DNM2: variants seen among roughly 807,000 people sequenced by gnomAD.
DNM2 encodes the protein dynamin 2.
DNM2 carries 15 observed loss-of-function variants against 99.0 expected under a neutral mutation model. That is an observed-to-expected ratio of 0.15 (90% CI 0.10 to 0.23). DNM2 has a LOEUF of 0.23. Among genes scored for constraint, DNM2 ranks in the 10% least tolerant of loss-of-function variants. DNM2 has a pLI of 1.00. For synonymous variants in DNM2, 525 were observed against 481.2 expected (o/e 1.09, Z -1.19); for missense variants, 742 against 1,189.4 (o/e 0.62, Z 5.53).
At chr19:10,734,018 A>T (rs914271327) in intron 1 of DNM2, among the ~76,000 whole-genome samples, 1 of 151,904 alleles carries the variant, frequency 6.6e-6, no homozygotes, top group Admixed American at 6.6e-5. Context: ...AAAAAATAAA[A>T]AAAAAAAAAT....
chr19:10,738,218 G>A (rs527490942), intron 1 of DNM2, among the ~76,000 whole-genome samples: 5 of 151,976 alleles, frequency 3.3e-5, no homozygotes, highest in Non-Finnish European at 4.4e-5. Flanking sequence ...AGATCACGCC[G>A]CTGTACTCCA....
At chr19:10,736,709 T>C (rs2069540725) in intron 1 of DNM2, among the ~76,000 whole-genome samples, 2 of 152,178 alleles carry the variant, frequency 1.3e-5, no homozygotes, top group Non-Finnish European at 2.9e-5. Flanking sequence ...CAGCTGGTAC[T>C]GGTTTTTATA....
chr19:10,743,021 C>T (rs1445009373), intron 1 of DNM2, among the ~76,000 whole-genome samples: 1 of 151,570 alleles, frequency 6.6e-6, no homozygotes, highest in Non-Finnish European at 1.5e-5. Context: ...TCAAGTGATC[C>T]TCCCACCTCA....
chr19:10,736,937 A>G (rs758776523), intron 1 of DNM2, among the ~76,000 whole-genome samples: 4 of 152,170 alleles, frequency 2.6e-5, no homozygotes, highest in Non-Finnish European at 4.4e-5. Context: ...TCTTGAGCCC[A>G]GGAGTACGAG....
chr19:10,804,355 A>G (rs8108854), intron 12 of DNM2, among the ~76,000 whole-genome samples: 45,272 of 151,840 alleles, frequency 0.3, 6,967 homozygotes, highest in East Asian at 0.58. Flanking sequence ...CTTGTGCTTG[A>G]ATGTTCTGGG....
At chr19:10,749,411 A>G (rs560494901) in intron 1 of DNM2, among the ~76,000 whole-genome samples, 2 of 152,176 alleles carry the variant, frequency 1.3e-5, no homozygotes, top group East Asian at 3.9e-4. Flanking sequence ...CCTGTCCCCT[A>G]CCGCCTTCCT....
chr19:10,811,644 C>G lies in DNM2; in HGVS notation c.1558-620C>G. 1 of 492,600 alleles carries G rather than the reference C, an allele frequency of 2.0e-6. No individual in the cohort carries two copies. Among genetic ancestry groups the G allele is most frequent in the Non-Finnish European group, 4.0e-6 (1 of 247,596 alleles). The allele number at this position is 492,600 out of a possible 1,614,324, so 30.5% of individuals were successfully genotyped here. Reference sequence around the variant, plus strand: ...CCAGGGAGCATGGGAGCACAGCCCCCAGGCTGCCTGCCGTTAGTTGTCAGG... The same window carrying G: ...CCAGGGAGCATGGGAGCACAGCCCCGAGGCTGCCTGCCGTTAGTTGTCAGG... On this transcript the variant is annotated intron_variant, in intron 14 of 20. Transcript: ENST00000389253. The surrounding 1 kb of genome is among the most constrained non-coding windows in gnomAD (Gnocchi z 5.4).
Position 10,797,471 on chromosome 19 carries a change from C to T in DNM2, c.1288C>T (p.Leu430Phe). ...AGAGCCGAGTTTGAAGTGTGTTGAT[C>T]TCGTGGTCTCAGAGCTGGCCACGGT... is the stretch of plus-strand genomic sequence containing the variant. ...LKEPSLKCVDLVVSELATVIK... is the reference protein window; with the variant it reads ...LKEPSLKCVDFVVSELATVIK... The change falls in exon 10 of 21, where the codon CTC becomes TTC. Residue 430 changes from leucine to phenylalanine, a missense_variant. Coordinates refer to ENST00000389253, the MANE Select transcript of DNM2 (RefSeq NM_001005361.3). 2 of 1,614,004 alleles carry T rather than the reference C, an allele frequency of 1.2e-6. No individual in the cohort carries two copies. Among genetic ancestry groups the T allele is most frequent in the East Asian group, 2.2e-5 (1 of 44,862 alleles).
rs45478694 is a variant in DNM2, at chr19:10,796,274, C to A, written c.1196+835C>A. 232 of 1,603,004 alleles carry A rather than the reference C, an allele frequency of 1.4e-4. No individual in the cohort carries two copies. Among genetic ancestry groups the A allele is most frequent in the Admixed American group, 5.3e-4 (32 of 59,940 alleles). ...CGGGGGTTTGGTATCAGGCTCCCAG[C>A]GCCTCATTGGCCCCCACTGGTGCCT... On this transcript the variant is annotated intron_variant, in intron 9 of 20. Coordinates refer to ENST00000389253, the MANE Select transcript of DNM2 (RefSeq NM_001005361.3). This position sits in a 1 kb window ranked among gnomAD's most constrained non-coding sequence, Gnocchi z 5.6.
At position 10,831,304 on chromosome 19, in the gene DNM2, G is replaced by C. The variant is rs1351227573; in HGVS notation, c.*257G>C. ...TGGGGGATGGAGTCTCAGGGTGGCA[G>C]AGGGGGGACCAGAACCCTTGACACC... On this transcript the variant is annotated 3_prime_UTR_variant, in exon 21 of 21. Coordinates refer to ENST00000389253, the MANE Select transcript of DNM2 (RefSeq NM_001005361.3). The surrounding 1 kb of genome is among the most constrained non-coding windows in gnomAD (Gnocchi z 4.3). 31 of 1,277,958 alleles carry C rather than the reference G, an allele frequency of 2.4e-5. No homozygotes were observed. The highest frequency in any genetic ancestry group is 3.1e-5 in the Non-Finnish European group (31 of 1,012,900). 79.2% of individuals were successfully genotyped at this position (1,277,958 alleles called of 1,614,324 possible).
intron 5 of DNM2, among the ~76,000 whole-genome samples, chr19:10,778,144 C>T (rs1377611158): frequency 1.3e-5 from 2 of 151,686 alleles, no homozygotes; most frequent in African/African-American, 2.4e-5. Flanking sequence ...ATGCCATTCT[C>T]CTGCCTCAGC....
rs73498571 is a variant in DNM2, at chr19:10,729,637, G to A, written c.161+11234G>A. ...GTTAGGACGCTGCCCGTGGAATGCC[G>A]ACTTTTCTAAATTTGAATTACGCAA... is the stretch of plus-strand genomic sequence containing the variant. On this transcript the variant is annotated intron_variant, in intron 1 of 20. Transcript: ENST00000389253. 1.6e-3 allele frequency among the ~76,000 whole-genome samples: 241 copies of A among 152,262 alleles called. 1 individual carries two copies. The highest frequency in any genetic ancestry group is 5.7e-3 in the African/African-American group (237 of 41,542).
intron 5 of DNM2, 53 bp from the exon 6 acceptor site, chr19:10,782,907 G>C: frequency 6.2e-7 from 1 of 1,613,050 alleles, no homozygotes; most frequent in Non-Finnish European, 8.5e-7. Context: ...CCCCGTGCCA[G>C]GTCCACTTGG....
intron 1 of DNM2, among the ~76,000 whole-genome samples, chr19:10,746,121 A>T (rs1473114831): frequency 6.6e-6 from 1 of 151,780 alleles, no homozygotes; most frequent in African/African-American, 2.4e-5. Context: ...ACCACACCCC[A>T]CTAATTTTTC....
At chr19:10,728,068 A>G (rs2145693226) in intron 1 of DNM2, among the ~76,000 whole-genome samples, 1 of 152,272 alleles carries the variant, frequency 6.6e-6, no homozygotes, top group Non-Finnish European at 1.5e-5. Context: ...GTTTCTGTGA[A>G]TATTGGTAAC....
chr19:10,830,337 G>T lies in DNM2; in HGVS notation c.2502G>T (p.Arg834=), dbSNP rs1239400345. The T allele has an allele frequency of 1.2e-6, 2 of 1,613,022 alleles. No individual in the cohort carries two copies. The highest frequency in any genetic ancestry group is 1.3e-5 in the African/African-American group (1 of 75,010). ...LFPAPPQIPS[R]PVRIPPGIPP... ...CAGCCCCGCCTCAGATCCCATCTCG[G>T]CCAGTTCGGATCCCCCCAGGGATTC... The change falls in exon 20 of 21, where the codon CGG becomes CGT. Residue 834 remains arginine, a synonymous_variant. Transcript: ENST00000389253. This position sits in a 1 kb window ranked among gnomAD's most constrained non-coding sequence, Gnocchi z 4.8.
intron 1 of DNM2, among the ~76,000 whole-genome samples, chr19:10,743,385 C>T (rs1374593684): frequency 6.6e-6 from 1 of 151,966 alleles, no homozygotes; most frequent in East Asian, 2.0e-4. Flanking sequence ...TGAGAAAAAA[C>T]ATCATGCGGC....
At chr19:10,774,674 C>T (rs977190161) in intron 3 of DNM2, among the ~76,000 whole-genome samples, 2 of 150,902 alleles carry the variant, frequency 1.3e-5, no homozygotes, top group Non-Finnish European at 2.9e-5. Flanking sequence ...GATCGCCTGC[C>T]TTGGCCTCCC....
At chr19:10,759,708 G>T in intron 1 of DNM2, 30 bp from the exon 2 acceptor site, 1 of 1,613,936 alleles carries the variant, frequency 6.2e-7, no homozygotes, top group Non-Finnish European at 8.5e-7. Flanking sequence ...GGACGCAAGA[G>T]TAATTTCTGT....
Sources: allele counts gnomAD v4.1 joint callset (sites outside exome capture counted in the v4.1 genomes callset), GRCh38; gene constraint gnomAD v4.1.1; non-coding constraint Gnocchi (gnomAD v3.1); transcripts MANE v1.5; gene names NCBI Gene and HGNC (gene_info 2026-07-23, HGNC 2026-07-21).